The following CBLC variants were observed in gnomAD, a reference collection of about 807,000 sequenced individuals.
CBLC encodes the protein E3 ubiquitin-protein ligase CBL-C.
In CBLC, 46 loss-of-function variants were observed where a neutral mutation model predicts 58.6. The ratio of observed to expected loss-of-function variants is 0.79; its 90% CI spans 0.62 to 1.00. The LOEUF (loss-of-function observed/expected upper bound fraction) is 1.00. Among genes scored for constraint, CBLC ranks in the 50% least tolerant of loss-of-function variants. The pLI is 0.00. For synonymous variants in CBLC, 271 were observed against 264.2 expected (o/e 1.03, Z -0.25); for missense variants, 655 against 625.8 (o/e 1.05, Z -0.50).
rs73572010 is a variant in CBLC, at chr19:44,800,437, G to A, written c.1419G>A (p.Pro473=). 1,543 of 1,611,256 alleles carry A rather than the reference G, an allele frequency of 9.6e-4. 10 individuals carry two copies. The African/African-American group carries it at 0.018, about 19-fold the overall frequency. ...CGCTGGGACCCCAGGACCCTGCCCC[G>A]GCCTGAAGGCCAGGTGAGTCCATTC... ...PAALGPQDPA[P]A is the part of the protein sequence containing the mutation. Residue 473 remains proline (P), a synonymous_variant, in exon 10 of 11, where the codon CCG becomes CCA. Coordinates refer to ENST00000647358, the MANE Select transcript of CBLC (RefSeq NM_012116.4).
In CBLC at chr19:44,794,198, C is replaced by G. The variant is rs752421980; in HGVS notation, c.1285-6C>G. 4.4e-6 allele frequency: 7 copies of G among 1,606,348 alleles called. No homozygotes were observed. Among genetic ancestry groups the G allele is most frequent in the African/African-American group, 1.3e-5 (1 of 74,258 alleles). On this transcript the variant is annotated splice_region_variant and splice_polypyrimidine_tract_variant and intron_variant, in intron 8 of 10. Transcript: ENST00000647358. ...AGCCCCTTCTCCTTCCTCTGTCCCA[C>G]CCCAGGTGCCCCTTTCGGCTCCTCC...
At chr19:44,792,618 G>A in intron 7 of CBLC, 104 bp downstream of exon 7, 1 of 1,227,202 alleles carries the variant, frequency 8.1e-7, no homozygotes, top group East Asian at 2.7e-5. Context: ...GGAAACCGAA[G>A]GCCAGAGAGG....
intron 5 of CBLC, among the ~76,000 whole-genome samples, chr19:44,785,550 A>AGATG (rs1312016516): frequency 7.2e-6 from 1 of 139,232 alleles, no homozygotes; most frequent in Non-Finnish European, 1.5e-5. Context: ...ATAGATAGAT[A>AGATG]GATAGATAGA....
chr19:44,784,963 T>TG (rs1568558695), intron 5 of CBLC, among the ~76,000 whole-genome samples: 11 of 107,656 alleles, frequency 1.0e-4, no homozygotes, highest in Non-Finnish European at 1.5e-4. Context: ...TTTTTTTTTT[T>TG]TTTTTTTTTT....
intron 9 of CBLC, among the ~76,000 whole-genome samples, chr19:44,795,645 A>AG (rs1968162807): frequency 6.6e-6 from 1 of 151,788 alleles, no homozygotes; most frequent in African/African-American, 2.4e-5. Flanking sequence ...AAAAAAAAAA[A>AG]GAAAAGATGA....
Position 44,778,045 on chromosome 19 carries a change from C to G in CBLC, c.114C>G (p.Ser38=). ...AGCAATGCGTCGACCCCCGGCTGTC[C>G]GTGAGTCCCCCTTCGCTGCGGGACC... ...LEEQCVDPRL[S]VSPPSLRDLL... is the part of the protein sequence containing the mutation. The change falls in exon 1 of 11, where the codon TCC becomes TCG. Residue 38 remains serine, a synonymous_variant. Transcript: ENST00000647358. 1 of 1,609,248 alleles carries G rather than the reference C, an allele frequency of 6.2e-7. No individual in the cohort carries two copies. The highest frequency in any genetic ancestry group is 8.5e-7 in the Non-Finnish European group (1 of 1,179,648).
At chr19:44,779,841 C>T (rs1967674368) in intron 1 of CBLC, among the ~76,000 whole-genome samples, 1 of 152,108 alleles carries the variant, frequency 6.6e-6, no homozygotes, top group African/African-American at 2.4e-5. Context: ...GTGAGAGCCA[C>T]CATGTCCAGC....
In CBLC at chr19:44,781,358, T is replaced by G. The variant is rs1967725891; in HGVS notation, c.652T>G (p.Phe218Val). The change falls in exon 3 of 11, where the codon TTT becomes GTT. Residue 218 changes from phenylalanine (F) to valine (V), a missense_variant. This residue lies in a region of CBLC where 371 missense variants were observed against 370.8 expected (regional missense o/e 1.00). Coordinates refer to ENST00000647358, the MANE Select transcript of CBLC (RefSeq NM_012116.4). ...CGAGTTCGACGTCTTCACCAGGCTC[T>G]TTCAGGTCAGGGAAGGCCAAGGCTG... ...IFEFDVFTRL[F>V]QPWPTLLKNW... is the part of the protein sequence containing the mutation. 1.2e-6 allele frequency: 2 copies of G among 1,608,818 alleles called. No homozygotes were observed. The highest frequency in any genetic ancestry group is 2.2e-5 in the South Asian group (2 of 91,022).
At chr19:44,794,330 C>A in intron 9 of CBLC, 49 bp downstream of exon 9, 1 of 1,577,462 alleles carries the variant, frequency 6.3e-7, no homozygotes, top group Non-Finnish European at 8.7e-7. Context: ...TCACTCACCT[C>A]CAGGGTCCCT....
At chr19:44,794,321 C>T (rs1426949889) in intron 9 of CBLC, 40 bp downstream of exon 9, 1 of 1,591,202 alleles carries the variant, frequency 6.3e-7, no homozygotes, top group African/African-American at 1.4e-5. Flanking sequence ...GCTGGGGTCT[C>T]ACTCACCTCC....
intron 1 of CBLC, 145 bp downstream of exon 1, chr19:44,778,429 A>G (rs2122370029): frequency 2.0e-6 from 1 of 493,202 alleles, no homozygotes; most frequent in East Asian, 4.2e-5. Flanking sequence ...CTCCTCCCTC[A>G]GACTCAGGGC....
At chr19:44,787,456 T>G (rs190468980) in intron 5 of CBLC, among the ~76,000 whole-genome samples, 1 of 151,940 alleles carries the variant, frequency 6.6e-6, no homozygotes, top group Non-Finnish European at 1.5e-5. Context: ...TGGGTGTTTA[T>G]GCACAGAGGA....
At position 44,787,394 on chromosome 19, in the gene CBLC, AAAAAAT is replaced by A. The variant is rs200775434; in HGVS notation, c.918-2593_918-2588del. Among the ~76,000 whole-genome samples, 1,303 of 152,064 alleles carry A rather than the reference AAAAAAT, an allele frequency of 8.6e-3. 7 individuals are homozygous for A. The highest frequency in any genetic ancestry group is 0.014 in the Middle Eastern group (4 of 292). On this transcript the variant is annotated intron_variant, in intron 5 of 10. Transcript: ENST00000647358. ...GGGTGACAGAACCAGACTCTGTCTC[AAAAAAT>A]AAAAATAAAAATAAAATAAAGTCAA...
chr19:44,781,420 G>A (rs1967728130), intron 3 of CBLC, 57 bp downstream of exon 3: 1 of 1,532,406 alleles, frequency 6.5e-7, no homozygotes, highest in Non-Finnish European at 8.9e-7. Context: ...GTAGAGGGCT[G>A]AATCCTGGAT....
At position 44,800,429 on chromosome 19, in the gene CBLC, C is replaced by T; in HGVS notation, c.1411C>T (p.Pro471Ser). Residue 471 changes from proline (P) to serine (S), a missense_variant, in exon 10 of 11, where the codon CCT becomes TCT. By Grantham distance (74) the Pro-to-Ser change is moderately conservative. Transcript: ENST00000647358. ...SPPAALGPQD[P>S]APA ...TCCAGCTGCGCTGGGACCCCAGGAC[C>T]CTGCCCCGGCCTGAAGGCCAGGTGA... The T allele has an allele frequency of 1.2e-6, 2 of 1,612,638 alleles. No homozygotes were observed. Among genetic ancestry groups the T allele is most frequent in the Non-Finnish European group, 1.7e-6 (2 of 1,178,740 alleles).
intron 9 of CBLC, among the ~76,000 whole-genome samples, chr19:44,799,070 T>C (rs1968235022): frequency 6.6e-6 from 1 of 152,164 alleles, no homozygotes; most frequent in Non-Finnish European, 1.5e-5. Context: ...GACATTTCCT[T>C]GTTCAGGAGC....
intron 5 of CBLC, among the ~76,000 whole-genome samples, chr19:44,784,958 T>TG (rs1967853820): frequency 1.0e-5 from 1 of 95,238 alleles, no homozygotes; most frequent in Admixed American, 1.1e-4. Flanking sequence ...GTGTTTTTTT[T>TG]TTTTTTTTTT....
In CBLC at chr19:44,790,017, G is replaced by A. The variant is rs780714860; in HGVS notation, c.931G>A (p.Asp311Asn). The change falls in exon 6 of 11, where the codon GAT becomes AAT. Residue 311 changes from aspartate (D) to asparagine (N), a missense_variant. This residue lies in a region of CBLC where 371 missense variants were observed against 370.8 expected (regional missense o/e 1.00). Coordinates refer to ENST00000647358, the MANE Select transcript of CBLC (RefSeq NM_012116.4). ...GQKDGFYLYPDGKTHNPDLTE... is the reference protein window; with the variant it reads ...GQKDGFYLYPNGKTHNPDLTE... ...CCCTTCCCCCAGCTACCTCTACCCA[G>A]ATGGAAAGACCCACAACCCAGACCT... 1.2e-6 allele frequency: 2 copies of A among 1,613,564 alleles called. No individual in the cohort carries two copies. The highest frequency in any genetic ancestry group is 2.2e-5 in the South Asian group (2 of 91,056).
chr19:44,781,456 G>C (rs981155244), intron 3 of CBLC, 93 bp downstream of exon 3: 1 of 1,306,096 alleles, frequency 7.7e-7, no homozygotes, highest in Non-Finnish European at 1.1e-6. Context: ...AGGAAGGGCC[G>C]GGACCTGGAC....
Sources: gnomAD v4.1 joint callset for allele counts (sites outside exome capture counted in the v4.1 genomes callset) on GRCh38, gnomAD v4.1.1 for gene constraint, gnomAD v4.1.1 regional missense constraint, MANE v1.5 for transcripts, NCBI Gene and HGNC (gene_info 2026-07-23, HGNC 2026-07-21) for gene names.